Variants in PTPRG observed in about 807,000 individuals in gnomAD.
PTPRG encodes protein tyrosine phosphatase receptor type G, also known as receptor-type tyrosine-protein phosphatase gamma.
A neutral mutation model predicts 165.3 loss-of-function variants in PTPRG; 102 were observed. That is an observed-to-expected ratio of 0.62 (90% CI 0.53 to 0.73). The LOEUF (loss-of-function observed/expected upper bound fraction) is 0.73, where lower values mean the gene tolerates loss of function less well. Among genes scored for constraint, PTPRG ranks in the 30% least tolerant of loss-of-function variants. PTPRG has a pLI of 0.00. For missense variants in PTPRG, 1,866 were observed against 1,861.4 expected (o/e 1.00, Z -0.05); for synonymous variants, 675 against 669.5 (o/e 1.01, Z -0.13).
intron 4 of PTPRG, among the ~76,000 whole-genome samples, chr3:62,041,628 C>T (rs1345398002): frequency 6.6e-6 from 1 of 152,172 alleles, no homozygotes; most frequent in Admixed American, 6.5e-5. Flanking sequence ...CCCCCTTCCA[C>T]ATCTGATATT....
chr3:61,592,073 G>A (rs1391284632), intron 1 of PTPRG, among the ~76,000 whole-genome samples: 3 of 151,526 alleles, frequency 2.0e-5, no homozygotes, highest in Non-Finnish European at 2.9e-5. Context: ...TCCTGGGTTC[G>A]AGCAATTCTC....
chr3:62,101,329 A>G (rs957889844), intron 5 of PTPRG, among the ~76,000 whole-genome samples: 2 of 152,264 alleles, frequency 1.3e-5, no homozygotes, highest in African/African-American at 4.8e-5. Flanking sequence ...ATAGAACTTC[A>G]GTCTGTAAAA....
chr3:61,631,043 G>A (rs1026293375), intron 1 of PTPRG, among the ~76,000 whole-genome samples: 4 of 151,516 alleles, frequency 2.6e-5, no homozygotes, highest in Non-Finnish European at 4.4e-5. Flanking sequence ...GTGACAGAGC[G>A]AGACGCTGTC....
chr3:61,756,206 T>C (rs2033629067), intron 2 of PTPRG, among the ~76,000 whole-genome samples: 1 of 152,234 alleles, frequency 6.6e-6, no homozygotes, highest in African/African-American at 2.4e-5. Flanking sequence ...TCTTATGCCC[T>C]TTAGAGTTCA....
At chr3:62,047,828 C>G (rs1281571812) in intron 4 of PTPRG, among the ~76,000 whole-genome samples, 1 of 152,166 alleles carries the variant, frequency 6.6e-6, no homozygotes, top group South Asian at 2.1e-4. Context: ...CTTTTCTCTT[C>G]CTTTCCTTAC....
chr3:61,917,687 T>C (rs1227443025), intron 2 of PTPRG, among the ~76,000 whole-genome samples: 3 of 152,168 alleles, frequency 2.0e-5, no homozygotes, highest in Non-Finnish European at 4.4e-5. Flanking sequence ...CCCAGCACTT[T>C]GCGAGGCTGA....
chr3:62,205,218 G>A (rs1440782912), intron 12 of PTPRG, among the ~76,000 whole-genome samples: 2 of 152,136 alleles, frequency 1.3e-5, no homozygotes, highest in African/African-American at 2.4e-5. Flanking sequence ...GGGGAAAGGT[G>A]CAGAGTAGCC....
chr3:61,971,172 C>T (rs1268727528), intron 2 of PTPRG, among the ~76,000 whole-genome samples: 3 of 152,156 alleles, frequency 2.0e-5, no homozygotes, highest in Admixed American at 6.5e-5. Context: ...CCTACCTCAG[C>T]CTCCTAAGTA....
At chr3:61,706,200 C>T (rs1464561142) in intron 1 of PTPRG, among the ~76,000 whole-genome samples, 1 of 151,292 alleles carries the variant, frequency 6.6e-6, no homozygotes, top group Non-Finnish European at 1.5e-5. Flanking sequence ...CCAGAAATAC[C>T]CTGGGGGGGA....
chr3:61,870,323 T>C (rs1314105654), intron 2 of PTPRG, among the ~76,000 whole-genome samples: 2 of 150,848 alleles, frequency 1.3e-5, no homozygotes, highest in South Asian at 2.1e-4. Context: ...TATTCTTTTT[T>C]TTTTTTTTTG....
chr3:61,725,786 C>T (rs191942160), intron 1 of PTPRG, among the ~76,000 whole-genome samples: 26 of 151,620 alleles, frequency 1.7e-4, no homozygotes, highest in African/African-American at 6.1e-4. Context: ...AGAAATCTTC[C>T]CTTTCATGTG....
rs142716466 is a variant in PTPRG, at chr3:61,674,306, A to G, written c.86-74572A>G. Among the ~76,000 whole-genome samples the G allele has an allele frequency of 7.9e-3, 1,202 of 152,038 alleles. 23 individuals carry two copies. Among genetic ancestry groups the G allele is most frequent in the African/African-American group, 0.027 (1,135 of 41,478 alleles). Reference sequence around the variant, plus strand: ...CTGATCTCCAGCTCCCCGCTCTTTCAGTTTTGGATTCTACTGTTACCTAAT... The same window carrying G: ...CTGATCTCCAGCTCCCCGCTCTTTCGGTTTTGGATTCTACTGTTACCTAAT... On this transcript the variant is annotated intron_variant, in intron 1 of 29. Transcript: ENST00000474889.
chr3:61,703,670 T>C (rs1384331670), intron 1 of PTPRG, among the ~76,000 whole-genome samples: 1 of 152,194 alleles, frequency 6.6e-6, no homozygotes, highest in African/African-American at 2.4e-5. Context: ...CTTTTCTTGG[T>C]AATCTGATGG....
chr3:61,986,278 T>G (rs1310864734), intron 2 of PTPRG, among the ~76,000 whole-genome samples: 1 of 152,122 alleles, frequency 6.6e-6, no homozygotes, highest in Non-Finnish European at 1.5e-5. Context: ...GGCATTGGAA[T>G]GAAGTTGTAC....
At chr3:62,105,226 C>A (rs1702432673) in intron 5 of PTPRG, among the ~76,000 whole-genome samples, 1 of 152,128 alleles carries the variant, frequency 6.6e-6, no homozygotes, top group Non-Finnish European at 1.5e-5. Flanking sequence ...ATGTTTTAGT[C>A]ATTGTCAGTG....
chr3:61,911,759 G>A (rs183224408), intron 2 of PTPRG, among the ~76,000 whole-genome samples: 87 of 151,878 alleles, frequency 5.7e-4, no homozygotes, highest in South Asian at 1.5e-3. Flanking sequence ...AAATTACTGC[G>A]TTTGAACAGC....
chr3:62,285,181 C>G (rs1230155807), intron 28 of PTPRG, among the ~76,000 whole-genome samples: 3 of 152,144 alleles, frequency 2.0e-5, no homozygotes, highest in African/African-American at 7.2e-5. Flanking sequence ...ATGCCTGGGA[C>G]AGCGTGGGTA....
intron 1 of PTPRG, among the ~76,000 whole-genome samples, chr3:61,682,346 G>A (rs1703477847): frequency 6.6e-6 from 1 of 152,284 alleles, no homozygotes; most frequent in Non-Finnish European, 1.5e-5. Flanking sequence ...CAAGGGGCAT[G>A]ATATCTTCAA....
chr3:62,021,860 T>TC (rs1446002693), intron 4 of PTPRG, among the ~76,000 whole-genome samples: 10 of 135,690 alleles, frequency 7.4e-5, no homozygotes, highest in African/African-American at 2.6e-4. Context: ...TCCTTTTCTT[T>TC]TTTTTTTTTT....
Sources: allele counts gnomAD v4.1 joint callset (sites outside exome capture counted in the v4.1 genomes callset), GRCh38; gene constraint gnomAD v4.1.1; transcripts MANE v1.5; gene names NCBI Gene and HGNC (gene_info 2026-07-23, HGNC 2026-07-21).